DESI2: variants seen among roughly 807,000 people sequenced by gnomAD.
The protein encoded by DESI2 is deubiquitinase DESI2.
In DESI2, 10 loss-of-function variants were observed where a neutral mutation model predicts 24.1. The ratio of observed to expected loss-of-function variants is 0.41; its 90% CI spans 0.26 to 0.70. The LOEUF (loss-of-function observed/expected upper bound fraction) is 0.70. Ranked by LOEUF, DESI2 falls within the 30% of genes least tolerant of loss-of-function variation. The pLI is 0.29. For synonymous variants in DESI2, 71 were observed against 87.7 expected (o/e 0.81, Z 1.06); for missense variants, 122 against 234.9 (o/e 0.52, Z 3.14).
chr1:244,686,544 G>C, intron 1 of DESI2, 53 bp from the exon 2 acceptor site: 3 of 1,166,628 alleles, frequency 2.6e-6, no homozygotes. Flanking sequence ...GTAGCGCGGA[G>C]TTGGGTTGTA....
intron 1 of DESI2, among the ~76,000 whole-genome samples, chr1:244,664,020 GAAAAAAAA>G (rs34195856): frequency 1.3e-4 from 12 of 89,374 alleles, no homozygotes; most frequent in South Asian, 4.2e-4. Context: ...TCCGTCTCAG[GAAAAAAAA>G]AAAAAAAAAA....
intron 1 of DESI2, among the ~76,000 whole-genome samples, chr1:244,682,246 G>T (rs1033471177): frequency 6.6e-6 from 1 of 152,132 alleles, no homozygotes; most frequent in African/African-American, 2.4e-5. Context: ...CCCACTGATT[G>T]GTCCATTTTA....
chr1:244,664,502 T>C (rs1455018087), intron 1 of DESI2, among the ~76,000 whole-genome samples: 5 of 152,190 alleles, frequency 3.3e-5, no homozygotes, highest in African/African-American at 1.2e-4. Flanking sequence ...TCCCAGCACT[T>C]TGAGAGGCTG....
intron 1 of DESI2, among the ~76,000 whole-genome samples, chr1:244,664,063 A>G (rs78505821): frequency 0.049 from 7,477 of 151,512 alleles, 602 homozygotes; most frequent in African/African-American, 0.17. Context: ...GAACTTAACA[A>G]TGGGGTGGTT....
chr1:244,693,160 A>AG (rs1393499023), intron 4 of DESI2, among the ~76,000 whole-genome samples: 5 of 152,214 alleles, frequency 3.3e-5, no homozygotes, highest in African/African-American at 1.2e-4. Context: ...AAAATGACTT[A>AG]TCAAAGAAGA....
At position 244,689,191 on chromosome 1, in the gene DESI2, G is replaced by T. The variant is rs916248830; in HGVS notation, c.116-58G>T. On this transcript the variant is annotated intron_variant, in intron 2 of 4. Coordinates refer to ENST00000302550, the MANE Select transcript of DESI2 (RefSeq NM_016076.5). The surrounding 1 kb of genome is among the most constrained non-coding windows in gnomAD (Gnocchi z 4.0). ...ATCCTCAATTATTAAAGCTAATTCA[G>T]CATTCTGGTTAAATTTTATGTGATA... 5.9e-6 allele frequency: 5 copies of T among 847,046 alleles called. No homozygotes were observed. In the African/African-American group the frequency reaches 6.8e-5, roughly 11 times the overall value. 52.5% of individuals were successfully genotyped at this position (847,046 alleles called of 1,614,324 possible).
In DESI2 at chr1:244,707,710, G is replaced by A. The variant is rs1558141643; in HGVS notation, c.*1921G>A. ...ATATATGATTTAAACCTGGGCTACT[G>A]ACACACACACAGTAGCCATTAGTTA... On this transcript the variant is annotated 3_prime_UTR_variant, in exon 5 of 5. Transcript: ENST00000302550. 1 of 152,134 alleles carries A rather than the reference G, an allele frequency of 6.6e-6. No homozygotes were observed. Among genetic ancestry groups the A allele is most frequent in the African/African-American group, 2.4e-5 (1 of 41,416 alleles). The allele number at this position is 152,134 out of a possible 1,614,324, so 9.4% of individuals were successfully genotyped here.
intron 4 of DESI2, among the ~76,000 whole-genome samples, chr1:244,703,660 CTT>C (rs34869457): frequency 0.4 from 57,213 of 143,006 alleles, 12,687 homozygotes; most frequent in Non-Finnish European, 0.51. Flanking sequence ...CTCATGTACA[CTT>C]TTTTTTTTTT....
chr1:244,694,302 G>T, intron 4 of DESI2: 1 of 422,984 alleles, frequency 2.4e-6, no homozygotes, highest in Non-Finnish European at 4.5e-6. Flanking sequence ...TTCTTTTTAA[G>T]GACTGAAAAA....
At chr1:244,698,319 A>AT (rs1308387140) in intron 4 of DESI2, among the ~76,000 whole-genome samples, 1 of 152,180 alleles carries the variant, frequency 6.6e-6, no homozygotes, top group Non-Finnish European at 1.5e-5. Flanking sequence ...ATTTTTGCCC[A>AT]TTGGAGCCTC....
intron 4 of DESI2, among the ~76,000 whole-genome samples, chr1:244,698,405 A>T (rs1677303732): frequency 6.6e-6 from 1 of 152,216 alleles, no homozygotes; most frequent in South Asian, 2.1e-4. Flanking sequence ...ATAAAATCAG[A>T]TGTCTGACCC....
chr1:244,667,772 G>A (rs1676097275), intron 1 of DESI2, among the ~76,000 whole-genome samples: 1 of 152,124 alleles, frequency 6.6e-6, no homozygotes, highest in Non-Finnish European at 1.5e-5. Context: ...ATGGTTTAGG[G>A]CTCTCACCTG....
intron 1 of DESI2, among the ~76,000 whole-genome samples, chr1:244,680,101 A>G (rs182198674): frequency 6.8e-4 from 99 of 145,828 alleles, no homozygotes; most frequent in African/African-American, 2.5e-3. Flanking sequence ...AGAGTAGCCC[A>G]CCCTTCCTCT....
intron 1 of DESI2, 134 bp downstream of exon 1, chr1:244,653,489 G>A: frequency 2.5e-6 from 2 of 803,704 alleles, no homozygotes; most frequent in Non-Finnish European, 3.8e-6. Flanking sequence ...GGAAGCCGGG[G>A]GTGAAGGAGG....
Position 244,664,044 on chromosome 1 carries a change from ATTAT to A in DESI2, c.42+10693_42+10696del, listed in dbSNP as rs148797775. Among the ~76,000 whole-genome samples, 115 of 138,578 alleles carry A rather than the reference ATTAT, an allele frequency of 8.3e-4. 1 individual carries two copies. Among genetic ancestry groups the A allele is most frequent in the African/African-American group, 3.2e-3 (101 of 32,016 alleles). The allele number at this position is 138,578 out of a possible 152,430, so 90.9% of individuals were successfully genotyped here. ...GGAAAAAAAAAAAAAAAAAAAAAAA[ATTAT>A]TTAAGAACTTAACAATGGGGTGGTT... On this transcript the variant is annotated intron_variant, in intron 1 of 4. Coordinates refer to ENST00000302550, the MANE Select transcript of DESI2 (RefSeq NM_016076.5).
intron 4 of DESI2, chr1:244,694,821 T>G (rs1677154950): frequency 1.9e-6 from 1 of 533,398 alleles, no homozygotes; most frequent in Non-Finnish European, 3.3e-6. Flanking sequence ...CCGGCTGCAG[T>G]GGCAGAGTTG....
At chr1:244,701,396 T>A (rs1677456763) in intron 4 of DESI2, among the ~76,000 whole-genome samples, 1 of 152,094 alleles carries the variant, frequency 6.6e-6, no homozygotes, top group South Asian at 2.1e-4. Context: ...ATCCACAATG[T>A]TTGGAGAATG....
chr1:244,693,215 CTTA>C (rs1481612517), intron 4 of DESI2, among the ~76,000 whole-genome samples: 6 of 152,140 alleles, frequency 3.9e-5, no homozygotes, highest in Non-Finnish European at 5.9e-5. Context: ...TACTCCAGTG[CTTA>C]TTATATTTTA....
chr1:244,705,127 A>G (rs181424895), intron 4 of DESI2, among the ~76,000 whole-genome samples: 43 of 152,298 alleles, frequency 2.8e-4, no homozygotes, highest in Middle Eastern at 3.4e-3. Context: ...AGAATCTGTG[A>G]AAAAGAAGAA....
Sources: allele counts gnomAD v4.1 joint callset (sites outside exome capture counted in the v4.1 genomes callset), GRCh38; gene constraint gnomAD v4.1.1; non-coding constraint Gnocchi (gnomAD v3.1); transcripts MANE v1.5; gene names NCBI Gene and HGNC (gene_info 2026-07-23, HGNC 2026-07-21).